The following NEURL1 variants were observed in gnomAD, a reference collection of about 807,000 sequenced individuals.
The protein encoded by NEURL1 is E3 ubiquitin-protein ligase NEURL1.
A neutral mutation model predicts 41.2 loss-of-function variants in NEURL1; 26 were observed. The observed-to-expected ratio is 0.63, with a 90% CI of 0.46 to 0.87. The LOEUF (loss-of-function observed/expected upper bound fraction) is 0.87, where lower values mean the gene tolerates loss of function less well. Ranked by LOEUF, NEURL1 falls within the 40% of genes least tolerant of loss-of-function variation. The probability of loss-of-function intolerance (pLI) is 0.00; values close to 1 mark genes in which losing one functional copy is unlikely to be tolerated. For missense variants in NEURL1, 761 were observed against 871.1 expected (o/e 0.87, Z 1.59); for synonymous variants, 400 against 402.3 (o/e 0.99, Z 0.07).
intron 1 of NEURL1, among the ~76,000 whole-genome samples, chr10:103,542,225 A>G (rs1001067607): frequency 6.6e-6 from 1 of 152,134 alleles, no homozygotes; most frequent in Admixed American, 6.5e-5. Flanking sequence ...TTCTCTATGA[A>G]TTGGTCTAGC....
intron 1 of NEURL1, among the ~76,000 whole-genome samples, chr10:103,534,570 G>A (rs1436644831): frequency 6.6e-6 from 1 of 152,196 alleles, no homozygotes; most frequent in Admixed American, 6.5e-5. Context: ...CTAGGCTGTA[G>A]ATGTTTGTAC....
Position 103,584,746 on chromosome 10 carries a change from C to T in NEURL1, c.860C>T (p.Pro287Leu), listed in dbSNP as rs1191556438. The stretch of plus-strand genomic sequence containing the variant: ...AACTCGCAGCACAGCCGCGCGCTGC[C>T]GGCGCAGCTCGACGGCGACCTGCGT... ...SLNSQHSRAL[P>L]AQLDGDLRFH... Residue 287 changes from proline (P) to leucine (L), a missense_variant, in exon 4 of 6, where the codon CCG (proline) becomes CTG (leucine). Physicochemically the swap from Pro to Leu is moderately conservative, Grantham distance 98. Transcript: ENST00000369780. The T allele has an allele frequency of 2.1e-6, 3 of 1,451,622 alleles. No individual in the cohort carries two copies. Among genetic ancestry groups the T allele is most frequent in the African/African-American group, 3.0e-5 (2 of 67,420 alleles). The allele number at this position is 1,451,622 out of a possible 1,614,324, so 89.9% of individuals were successfully genotyped here.
intron 1 of NEURL1, among the ~76,000 whole-genome samples, chr10:103,503,557 G>C (rs907683727): frequency 2.6e-5 from 4 of 152,086 alleles, no homozygotes; most frequent in Admixed American, 6.6e-5. Flanking sequence ...AGGTGGGAGA[G>C]CTCATTTCAT....
chr10:103,584,982 C>T lies in NEURL1; in HGVS notation c.1096C>T (p.Arg366Trp). The stretch of plus-strand genomic sequence containing the variant: ...CACCACGTGCGACCCCGGCACGCTG[C>T]GGCCGGCCGACCTGCCTTTCAGCCC... ...GVTTCDPGTLRPADLPFSPEA... is the reference protein window; with the variant it reads ...GVTTCDPGTLWPADLPFSPEA... The change falls in exon 4 of 6, where the codon CGG becomes TGG. Residue 366 changes from arginine (R) to tryptophan (W), a missense_variant. Arg to Trp is a moderately radical substitution (Grantham distance 101, BLOSUM62 -3). Transcript: ENST00000369780. 5 of 1,535,402 alleles carry T rather than the reference C, an allele frequency of 3.3e-6. No individual in the cohort carries two copies. Among genetic ancestry groups the T allele is most frequent in the African/African-American group, 1.4e-5 (1 of 70,870 alleles).
intron 1 of NEURL1, among the ~76,000 whole-genome samples, chr10:103,533,227 C>T (rs2034611502): frequency 6.6e-6 from 1 of 150,820 alleles, no homozygotes; most frequent in South Asian, 2.1e-4. Flanking sequence ...GTGCCTGGCC[C>T]TTCTCTTCTC....
rs1032423232 is a variant in NEURL1 at position 103,508,462 on chromosome 10, G to A, written c.85+13990G>A. On this transcript the variant is annotated intron_variant, in intron 1 of 5. Coordinates refer to ENST00000369780, the MANE Select transcript of NEURL1 (RefSeq NM_004210.5). The surrounding 1 kb of genome is among the most constrained non-coding windows in gnomAD (Gnocchi z 4.3). ...GCGCCCTGACTTCTCTTCCAGCCCC[G>A]AGGGACAAAGGCAGACCTTGGACTC... Among the ~76,000 whole-genome samples, 7 of 152,148 alleles carry A rather than the reference G, an allele frequency of 4.6e-5. No individual in the cohort carries two copies. The highest frequency in any genetic ancestry group is 9.7e-5 in the African/African-American group (4 of 41,410).
chr10:103,530,355 A>G (rs1367243976), intron 1 of NEURL1, among the ~76,000 whole-genome samples: 1 of 150,850 alleles, frequency 6.6e-6, no homozygotes, highest in Non-Finnish European at 1.5e-5. Context: ...GCTGTATCCT[A>G]TAGGTTTTGC....
At chr10:103,576,553 T>A (rs1443516309) in intron 3 of NEURL1, among the ~76,000 whole-genome samples, 1 of 152,062 alleles carries the variant, frequency 6.6e-6, no homozygotes, top group Non-Finnish European at 1.5e-5. Flanking sequence ...TGGAGAAGTA[T>A]GAGACCCAGA....
At chr10:103,579,115 CT>C (rs1322742618) in intron 3 of NEURL1, among the ~76,000 whole-genome samples, 4 of 152,372 alleles carry the variant, frequency 2.6e-5, no homozygotes, top group Non-Finnish European at 5.9e-5. Context: ...TTACCCTGCA[CT>C]GCTGGCAGCG....
At chr10:103,524,058 T>C (rs1352717647) in intron 1 of NEURL1, among the ~76,000 whole-genome samples, 3 of 152,218 alleles carry the variant, frequency 2.0e-5, no homozygotes, top group Non-Finnish European at 4.4e-5. Flanking sequence ...CATTCCCGCC[T>C]GCAGAAAGAG....
rs2036050771 is a variant in NEURL1 at position 103,591,668 on chromosome 10, G to A, written c.*1296G>A. 1 of 152,252 alleles carries A rather than the reference G, an allele frequency of 6.6e-6. No individual in the cohort carries two copies. The highest frequency in any genetic ancestry group is 2.4e-5 in the African/African-American group (1 of 41,452). 9.4% of individuals were successfully genotyped at this position (152,252 alleles called of 1,614,324 possible). A position where few individuals can be genotyped will look rare whatever the true frequency, so the allele number is the denominator to read the frequency against. On this transcript the variant is annotated 3_prime_UTR_variant, in exon 6 of 6. Coordinates refer to ENST00000369780, the MANE Select transcript of NEURL1 (RefSeq NM_004210.5). ...TCTATTTTACAGAGAGGCAAACCAA[G>A]CCTCCTTAGTGCCCTGGGGCTGATG...
intron 1 of NEURL1, among the ~76,000 whole-genome samples, chr10:103,526,114 A>T (rs1279068314): frequency 6.6e-6 from 1 of 151,978 alleles, no homozygotes; most frequent in African/African-American, 2.4e-5. Context: ...CATCTTTTTG[A>T]TGTGCTGCTA....
At chr10:103,574,398 T>C (rs2035614360) in intron 3 of NEURL1, among the ~76,000 whole-genome samples, 1 of 152,182 alleles carries the variant, frequency 6.6e-6, no homozygotes, top group Non-Finnish European at 1.5e-5. Flanking sequence ...TTTATCCCCA[T>C]TTGGCAGGGA....
chr10:103,574,131 G>A (rs2035607807), intron 3 of NEURL1, among the ~76,000 whole-genome samples: 1 of 152,208 alleles, frequency 6.6e-6, no homozygotes, highest in African/African-American at 2.4e-5. Context: ...GAGGGCAGAT[G>A]CGTTGTTAGA....
chr10:103,522,374 G>A (rs946449005), intron 1 of NEURL1, among the ~76,000 whole-genome samples: 3 of 151,868 alleles, frequency 2.0e-5, no homozygotes, highest in African/African-American at 7.2e-5. Flanking sequence ...TTGGGAAGCC[G>A]AGGTGAGCGG....
intron 1 of NEURL1, among the ~76,000 whole-genome samples, chr10:103,532,173 T>C (rs2034586274): frequency 6.6e-6 from 1 of 152,230 alleles, no homozygotes; most frequent in Admixed American, 6.5e-5. Flanking sequence ...TGGAGGAATT[T>C]AATCTGTTTA....
At chr10:103,530,092 C>T (rs1193355604) in intron 1 of NEURL1, among the ~76,000 whole-genome samples, 1 of 151,880 alleles carries the variant, frequency 6.6e-6, no homozygotes. Flanking sequence ...ATCTTTTTTT[C>T]TTGGTTAGTC....
At chr10:103,563,667 GTAATAA>G (rs747010741) in intron 1 of NEURL1, among the ~76,000 whole-genome samples, 1 of 151,962 alleles carries the variant, frequency 6.6e-6, no homozygotes, top group East Asian at 1.9e-4. Flanking sequence ...GATATAAATA[GTAATAA>G]TAATAATAAT....
At chr10:103,527,518 C>CTCCTGACCTCAGGTGA (rs1204779055) in intron 1 of NEURL1, among the ~76,000 whole-genome samples, 1 of 152,080 alleles carries the variant, frequency 6.6e-6, no homozygotes, top group Non-Finnish European at 1.5e-5. Context: ...TGGTCTTGAA[C>CTCCTGACCTCAGGTGA]TCCTGACCTC....
Sources: gnomAD v4.1 joint callset for allele counts (sites outside exome capture counted in the v4.1 genomes callset) on GRCh38, gnomAD v4.1.1 for gene constraint, Gnocchi (gnomAD v3.1) non-coding constraint, MANE v1.5 for transcripts, NCBI Gene and HGNC (gene_info 2026-07-23, HGNC 2026-07-21) for gene names.